C17orf100: variants seen among roughly 807,000 people sequenced by gnomAD.
The protein encoded by C17orf100 is chromosome 17 open reading frame 100, also known as uncharacterized protein C17orf100.
C17orf100 carries 1 observed loss-of-function variant against 0.7 expected under a neutral mutation model. The ratio of observed to expected loss-of-function variants is 1.50; its 90% CI spans 0.53 to 7.13. The LOEUF is 7.13. Among genes scored for constraint, C17orf100 ranks in the 30% most tolerant of loss-of-function variants. C17orf100 has a pLI of 0.14. For missense variants in C17orf100, 168 were observed against 171.5 expected (o/e 0.98, Z 0.11); for synonymous variants, 87 against 84.0 (o/e 1.04, Z -0.20).
Position 6,652,348 on chromosome 17 carries a change from G to A in C17orf100, c.*78G>A. ...AAGGCCTCCAGTTGCCAGCCAGCCA[G>A]CCAGCTGCCAGGTGGACCAATCATT... On this transcript the variant is annotated 3_prime_UTR_variant, in exon 1 of 1. Coordinates refer to ENST00000542475, the MANE Select transcript of C17orf100 (RefSeq NM_001105520.2). 6.3e-7 allele frequency: 1 copy of A among 1,581,862 alleles called. No individual in the cohort carries two copies. Among genetic ancestry groups the A allele is most frequent in the Non-Finnish European group, 8.6e-7 (1 of 1,165,508 alleles).
Position 6,653,474 on chromosome 17 carries a change from G to A in C17orf100, c.*1204G>A, listed in dbSNP as rs546955381. The A allele has an allele frequency of 6.6e-6, 1 of 152,292 alleles. No individual in the cohort carries two copies. Among genetic ancestry groups the A allele is most frequent in the Admixed American group, 6.5e-5 (1 of 15,302 alleles). The allele number at this position is 152,292 out of a possible 1,614,324, so 9.4% of individuals were successfully genotyped here. On this transcript the variant is annotated 3_prime_UTR_variant, in exon 1 of 1. Transcript: ENST00000542475. ...GGAAATACATGGGTAATGTGATAGA[G>A]AATGGAAGTAAGTGGCTTCTTTTGA... is the stretch of plus-strand genomic sequence containing the variant.
rs998104772 is a variant in C17orf100, at chr17:6,652,593, A to G, written c.*323A>G. ...GAGAGGCTGTTTGAGCCTCTGAGCC[A>G]GGTGAGTTTGGGATCCACAGCCCTC... On this transcript the variant is annotated 3_prime_UTR_variant, in exon 1 of 1. Coordinates refer to ENST00000542475, the MANE Select transcript of C17orf100 (RefSeq NM_001105520.2). 9.8e-7 allele frequency: 1 copy of G among 1,015,960 alleles called. No homozygotes were observed. The highest frequency in any genetic ancestry group is 1.3e-6 in the Non-Finnish European group (1 of 759,820). The allele number at this position is 1,015,960 out of a possible 1,614,324, so 62.9% of individuals were successfully genotyped here. A position where few individuals can be genotyped will look rare whatever the true frequency, so the allele number is the denominator to read the frequency against.
Position 6,652,667 on chromosome 17 carries a change from T to G in C17orf100, c.*397T>G. 1 of 300,750 alleles carries G rather than the reference T, an allele frequency of 3.3e-6. No individual in the cohort carries two copies. Among genetic ancestry groups the G allele is most frequent in the Non-Finnish European group, 6.3e-6 (1 of 157,872 alleles). The allele number at this position is 300,750 out of a possible 1,614,324, so 18.6% of individuals were successfully genotyped here. A position where few individuals can be genotyped will look rare whatever the true frequency, so the allele number is the denominator to read the frequency against. ...CAGAGACCAAACTGAAATAATGACC[T>G]GTGGAATGATTCCATGCCTGCTAAA... On this transcript the variant is annotated 3_prime_UTR_variant, in exon 1 of 1. Coordinates refer to ENST00000542475, the MANE Select transcript of C17orf100 (RefSeq NM_001105520.2).
At position 6,652,342 on chromosome 17, in the gene C17orf100, C is replaced by A; in HGVS notation, c.*72C>A. On this transcript the variant is annotated 3_prime_UTR_variant, in exon 1 of 1. Coordinates refer to ENST00000542475, the MANE Select transcript of C17orf100 (RefSeq NM_001105520.2). ...GACAGAAAGGCCTCCAGTTGCCAGC[C>A]AGCCAGCCAGCTGCCAGGTGGACCA... 6.3e-7 allele frequency: 1 copy of A among 1,588,282 alleles called. No individual in the cohort carries two copies.
rs758220696 is a variant in C17orf100 at position 6,652,176 on chromosome 17, C to T, written c.263C>T (p.Ser88Leu). 4 of 1,604,734 alleles carry T rather than the reference C, an allele frequency of 2.5e-6. No homozygotes were observed. Among genetic ancestry groups the T allele is most frequent in the Admixed American group, 1.7e-5 (1 of 59,884 alleles). Reference protein sequence around the residue: ...TETTSRHVRASSLRVETSLHC... With the variant: ...TETTSRHVRALSLRVETSLHC... ...ACGACCTCCCGCCACGTCAGAGCCT[C>T]GTCCCTGAGGGTGGAGACGTCTCTG... Residue 88 changes from serine to leucine, a missense_variant, in exon 1 of 1, where the codon TCG (serine) becomes TTG (leucine). Ser to Leu is a moderately radical substitution (Grantham distance 145). Coordinates refer to ENST00000542475, the MANE Select transcript of C17orf100 (RefSeq NM_001105520.2).
rs1354737409 is a variant in C17orf100, at chr17:6,651,938, C to A, written c.25C>A (p.Gln9Lys). ...AATGGCCTCAGCCCGAGGGGCCAAG[C>A]AGTCTTCGCCCCGGGTGGGGACCAC... MASARGAK[Q>K]SSPRVGTTRY... Residue 9 changes from glutamine (Q) to lysine (K), a missense_variant, in exon 1 of 1, where the codon CAG becomes AAG. Transcript: ENST00000542475. The A allele has an allele frequency of 2.7e-6, 4 of 1,507,976 alleles. No homozygotes were observed. The highest frequency in any genetic ancestry group is 3.6e-6 in the Non-Finnish European group (4 of 1,123,328). The allele number at this position is 1,507,976 out of a possible 1,614,324, so 93.4% of individuals were successfully genotyped here. A position where few individuals can be genotyped will look rare whatever the true frequency, so the allele number is the denominator to read the frequency against.
Position 6,652,476 on chromosome 17 carries a change from C to T in C17orf100, c.*206C>T, listed in dbSNP as rs1972853709. On this transcript the variant is annotated 3_prime_UTR_variant, in exon 1 of 1. Coordinates refer to ENST00000542475, the MANE Select transcript of C17orf100 (RefSeq NM_001105520.2). Reference sequence around the variant, plus strand: ...CTGACCGTCCTGCGTCTTGGACCAGCCTACTTTTGACCCAGTGAACTATTT... The same window carrying T: ...CTGACCGTCCTGCGTCTTGGACCAGTCTACTTTTGACCCAGTGAACTATTT... 2.7e-6 allele frequency: 4 copies of T among 1,456,380 alleles called. No homozygotes were observed. The highest frequency in any genetic ancestry group is 3.0e-5 in the South Asian group (2 of 67,714). 90.2% of individuals were successfully genotyped at this position (1,456,380 alleles called of 1,614,324 possible). A position where few individuals can be genotyped will look rare whatever the true frequency, so the allele number is the denominator to read the frequency against.
Position 6,651,821 on chromosome 17 carries a change from A to T in C17orf100, c.-93A>T, listed in dbSNP as rs1413961563. On this transcript the variant is annotated 5_prime_UTR_variant, in exon 1 of 1. An upstream start codon of the reference 5' UTR is lost. Transcript: ENST00000542475. ...TCATCGTGTTGTGGCGCTCCCGGCT[A>T]TGGCAGTACCGTAGTTTTCCTCTCT... 6.9e-7 allele frequency: 1 copy of T among 1,443,456 alleles called. No homozygotes were observed. The highest frequency in any genetic ancestry group is 1.4e-5 in the African/African-American group (1 of 69,676). 89.4% of individuals were successfully genotyped at this position (1,443,456 alleles called of 1,614,324 possible). A position where few individuals can be genotyped will look rare whatever the true frequency, so the allele number is the denominator to read the frequency against.
At position 6,652,326 on chromosome 17, in the gene C17orf100, G is replaced by A. The variant is rs772442160; in HGVS notation, c.*56G>A. The A allele has an allele frequency of 3.1e-6, 5 of 1,599,316 alleles. No homozygotes were observed. The highest frequency in any genetic ancestry group is 2.3e-5 in the East Asian group (1 of 44,288). On this transcript the variant is annotated 3_prime_UTR_variant, in exon 1 of 1. Transcript: ENST00000542475. ...CAGGGCCCTCAGCCAGGACAGAAAG[G>A]CCTCCAGTTGCCAGCCAGCCAGCCA...
At position 6,651,949 on chromosome 17, in the gene C17orf100, C is replaced by G; in HGVS notation, c.36C>G (p.Pro12=). 2 of 1,521,696 alleles carry G rather than the reference C, an allele frequency of 1.3e-6. No homozygotes were observed. The highest frequency in any genetic ancestry group is 1.8e-6 in the Non-Finnish European group (2 of 1,130,458). The allele number at this position is 1,521,696 out of a possible 1,614,324, so 94.3% of individuals were successfully genotyped here. A position where few individuals can be genotyped will look rare whatever the true frequency, so the allele number is the denominator to read the frequency against. The change falls in exon 1 of 1, where the codon CCC becomes CCG. Residue 12 remains proline (P), a synonymous_variant. Coordinates refer to ENST00000542475, the MANE Select transcript of C17orf100 (RefSeq NM_001105520.2). ...CCCGAGGGGCCAAGCAGTCTTCGCC[C>G]CGGGTGGGGACCACCCGCTACACAG... ...ASARGAKQSS[P]RVGTTRYTET...
Position 6,652,719 on chromosome 17 carries a change from T to C in C17orf100, c.*449T>C, listed in dbSNP as rs1298267963. 1 of 191,630 alleles carries C rather than the reference T, an allele frequency of 5.2e-6. No homozygotes were observed. Among genetic ancestry groups the C allele is most frequent in the African/African-American group, 2.4e-5 (1 of 41,882 alleles). 11.9% of individuals were successfully genotyped at this position (191,630 alleles called of 1,614,324 possible). A position where few individuals can be genotyped will look rare whatever the true frequency, so the allele number is the denominator to read the frequency against. On this transcript the variant is annotated 3_prime_UTR_variant, in exon 1 of 1. Transcript: ENST00000542475. ...ACTCGAGGGACAAGGAACAGACTCA[T>C]AAATTATTAATTGGCCTTTGTTTAT...
chr17:6,652,502 T>C lies in C17orf100; in HGVS notation c.*232T>C. 2 of 1,441,200 alleles carry C rather than the reference T, an allele frequency of 1.4e-6. No individual in the cohort carries two copies. Among genetic ancestry groups the C allele is most frequent in the Admixed American group, 5.8e-5 (2 of 34,502 alleles). The allele number at this position is 1,441,200 out of a possible 1,614,324, so 89.3% of individuals were successfully genotyped here. ...CTACTTTTGACCCAGTGAACTATTT[T>C]CACTTGAAGCCAGCACAGAAGGTTT... On this transcript the variant is annotated 3_prime_UTR_variant, in exon 1 of 1. Transcript: ENST00000542475.
chr17:6,651,933 C>T lies in C17orf100; in HGVS notation c.20C>T (p.Ala7Val). Reference protein sequence around the residue: MASARGAKQSSPRVGTT... With the variant: MASARGVKQSSPRVGTT... ...GGCAGAATGGCCTCAGCCCGAGGGG[C>T]CAAGCAGTCTTCGCCCCGGGTGGGG... Residue 7 changes from alanine (A) to valine (V), a missense_variant, in exon 1 of 1, where the codon GCC (alanine) becomes GTC (valine). Coordinates refer to ENST00000542475, the MANE Select transcript of C17orf100 (RefSeq NM_001105520.2). The T allele has an allele frequency of 6.6e-7, 1 of 1,504,814 alleles. No individual in the cohort carries two copies. Among genetic ancestry groups the T allele is most frequent in the Non-Finnish European group, 8.9e-7 (1 of 1,121,704 alleles). The allele number at this position is 1,504,814 out of a possible 1,614,324, so 93.2% of individuals were successfully genotyped here.
rs1972859336 is a variant in C17orf100, at chr17:6,653,111, C to T, written c.*841C>T. 6.0e-6 allele frequency: 1 copy of T among 166,814 alleles called. No individual in the cohort carries two copies. The highest frequency in any genetic ancestry group is 6.5e-5 in the Admixed American group (1 of 15,290). 10.3% of individuals were successfully genotyped at this position (166,814 alleles called of 1,614,324 possible). ...TAGCCTACCTTAAACATGCTCAGAA[C>T]ACCTAAAGTTGAGCAAAATCATCTA... On this transcript the variant is annotated 3_prime_UTR_variant, in exon 1 of 1. Transcript: ENST00000542475.
In C17orf100 at chr17:6,651,946, G is replaced by T; in HGVS notation, c.33G>T (p.Ser11=). The change falls in exon 1 of 1, where the codon TCG becomes TCT. Residue 11 remains serine (S), a synonymous_variant. Coordinates refer to ENST00000542475, the MANE Select transcript of C17orf100 (RefSeq NM_001105520.2). ...CAGCCCGAGGGGCCAAGCAGTCTTC[G>T]CCCCGGGTGGGGACCACCCGCTACA... MASARGAKQS[S]PRVGTTRYTE... is the part of the protein sequence containing the mutation. 6.6e-7 allele frequency: 1 copy of T among 1,516,960 alleles called. No homozygotes were observed. The highest frequency in any genetic ancestry group is 1.3e-5 in the South Asian group (1 of 79,000). The allele number at this position is 1,516,960 out of a possible 1,614,324, so 94.0% of individuals were successfully genotyped here. A position where few individuals can be genotyped will look rare whatever the true frequency, so the allele number is the denominator to read the frequency against.
In C17orf100 at chr17:6,652,585, T is replaced by A. The variant is rs1392822787; in HGVS notation, c.*315T>A. The A allele has an allele frequency of 1.0e-5, 11 of 1,085,390 alleles. No individual in the cohort carries two copies. The highest frequency in any genetic ancestry group is 9.8e-6 in the Non-Finnish European group (8 of 818,902). The allele number at this position is 1,085,390 out of a possible 1,614,324, so 67.2% of individuals were successfully genotyped here. A position where few individuals can be genotyped will look rare whatever the true frequency, so the allele number is the denominator to read the frequency against. ...TGGACAAAGAGAGGCTGTTTGAGCC[T>A]CTGAGCCAGGTGAGTTTGGGATCCA... On this transcript the variant is annotated 3_prime_UTR_variant, in exon 1 of 1. Transcript: ENST00000542475.
In C17orf100 at chr17:6,653,458, TG is replaced by T. The variant is rs1972861906; in HGVS notation, c.*1191del. ...TGATTAGCACTATGAAGGAAATACA[TG>T]GGTAATGTGATAGAGAATGGAAGTA... On this transcript the variant is annotated 3_prime_UTR_variant, in exon 1 of 1. Transcript: ENST00000542475. 1 of 152,612 alleles carries T rather than the reference TG, an allele frequency of 6.6e-6. No individual in the cohort carries two copies. The highest frequency in any genetic ancestry group is 1.5e-5 in the Non-Finnish European group (1 of 68,032). The allele number at this position is 152,612 out of a possible 1,614,324, so 9.5% of individuals were successfully genotyped here.
chr17:6,652,498 A>G lies in C17orf100; in HGVS notation c.*228A>G, dbSNP rs1164449938. 8.3e-6 allele frequency: 12 copies of G among 1,442,848 alleles called. No homozygotes were observed. Among genetic ancestry groups the G allele is most frequent in the Admixed American group, 5.8e-5 (2 of 34,520 alleles). 89.4% of individuals were successfully genotyped at this position (1,442,848 alleles called of 1,614,324 possible). A position where few individuals can be genotyped will look rare whatever the true frequency, so the allele number is the denominator to read the frequency against. On this transcript the variant is annotated 3_prime_UTR_variant, in exon 1 of 1. Transcript: ENST00000542475. ...CAGCCTACTTTTGACCCAGTGAACTATTTTCACTTGAAGCCAGCACAGAAG... is the reference window on the plus strand; with the variant it reads ...CAGCCTACTTTTGACCCAGTGAACTGTTTTCACTTGAAGCCAGCACAGAAG...
chr17:6,651,829 A>T lies in C17orf100; in HGVS notation c.-85A>T. Reference sequence around the variant, plus strand: ...TTGTGGCGCTCCCGGCTATGGCAGTACCGTAGTTTTCCTCTCTTCTGCCTG... The same window carrying T: ...TTGTGGCGCTCCCGGCTATGGCAGTTCCGTAGTTTTCCTCTCTTCTGCCTG... On this transcript the variant is annotated 5_prime_UTR_variant, in exon 1 of 1. Transcript: ENST00000542475. The T allele has an allele frequency of 2.1e-6, 3 of 1,444,738 alleles. No individual in the cohort carries two copies. Among genetic ancestry groups the T allele is most frequent in the Non-Finnish European group, 2.7e-6 (3 of 1,102,392 alleles). 89.5% of individuals were successfully genotyped at this position (1,444,738 alleles called of 1,614,324 possible).
Sources: gnomAD v4.1 joint callset for allele counts on GRCh38, gnomAD v4.1.1 for gene constraint, MANE v1.5 for transcripts, NCBI Gene and HGNC (gene_info 2026-07-23, HGNC 2026-07-21) for gene names.